AGMO: variants seen among roughly 807,000 people sequenced by gnomAD.
AGMO encodes the protein alkylglycerol monooxygenase, also known as glyceryl-ether monooxygenase.
Under a neutral mutation model 60.2 loss-of-function variants are expected in AGMO, and 75 were observed. The observed-to-expected ratio is 1.25, with a 90% CI of 1.03 to 1.51. The LOEUF (loss-of-function observed/expected upper bound fraction) is 1.51. Ranked by LOEUF, AGMO falls within the 40% of genes most tolerant of loss-of-function variation. The pLI, the probability that AGMO is intolerant of heterozygous loss-of-function variation, is 0.00. For missense variants in AGMO, 763 were observed against 525.5 expected (o/e 1.45, Z -4.42); for synonymous variants, 261 against 177.1 (o/e 1.47, Z -3.76).
At chr7:15,145,467 T>C in the AGMO span, among the ~76,000 whole-genome samples, 2 of 152,166 alleles carry the variant, frequency 1.3e-5, no homozygotes, top group Non-Finnish European at 2.9e-5. Flanking sequence ...AATATGTAGA[T>C]ATGTAGATAC....
At position 15,483,484 on chromosome 7, in the gene AGMO, T is replaced by C. The variant is rs373756901; in HGVS notation, c.410-52376A>G. ...CAGAGGCTGAGGCAGGAGAATGGCG[T>C]GAACCCGGGAGGCGGAGCTTGCAGT... On this transcript the variant is annotated intron_variant, in intron 3 of 12. Coordinates refer to ENST00000342526, the MANE Select transcript of AGMO (RefSeq NM_001004320.2). 1.3e-4 allele frequency among the ~76,000 whole-genome samples: 20 copies of C among 152,222 alleles called. No individual in the cohort carries two copies. The South Asian group carries it at 4.1e-3, about 32-fold the overall frequency.
intron 3 of AGMO, among the ~76,000 whole-genome samples, chr7:15,517,267 A>C (rs1482520476): frequency 6.6e-6 from 1 of 151,890 alleles, no homozygotes; most frequent in Non-Finnish European, 1.5e-5. Context: ...AAAGATAACA[A>C]AATGGAAAAG....
At chr7:15,132,511 G>A in the AGMO span, among the ~76,000 whole-genome samples, 1 of 152,110 alleles carries the variant, frequency 6.6e-6, no homozygotes, top group South Asian at 2.1e-4. Flanking sequence ...AAACCTCAGT[G>A]CTTTTTCTCC....
chr7:15,364,744 G>T (rs945237115), intron 12 of AGMO, among the ~76,000 whole-genome samples: 3 of 151,990 alleles, frequency 2.0e-5, no homozygotes, highest in African/African-American at 2.4e-5. Context: ...ATTAAATAAT[G>T]AAAGTGTATA....
At chr7:15,343,111 T>G (rs2128550403) in intron 12 of AGMO, among the ~76,000 whole-genome samples, 1 of 152,298 alleles carries the variant, frequency 6.6e-6, no homozygotes, top group East Asian at 1.9e-4. Context: ...AATTGGAATC[T>G]AAAATTTATA....
chr7:15,175,234 C>A, the AGMO span, among the ~76,000 whole-genome samples: 1 of 151,738 alleles, frequency 6.6e-6, no homozygotes, highest in Non-Finnish European at 1.5e-5. Context: ...TCAATATATT[C>A]TTCCATTTTT....
chr7:15,433,493 T>G (rs976385095), intron 3 of AGMO, among the ~76,000 whole-genome samples: 12 of 152,074 alleles, frequency 7.9e-5, no homozygotes, highest in African/African-American at 2.9e-4. Flanking sequence ...TTATTGGAGG[T>G]AAATTATTTT....
the AGMO span, among the ~76,000 whole-genome samples, chr7:15,150,633 T>C: frequency 6.6e-6 from 1 of 152,150 alleles, no homozygotes; most frequent in African/African-American, 2.4e-5. Flanking sequence ...GAAACAACCT[T>C]GCATCTCAGG....
At chr7:15,128,741 C>A in the AGMO span, among the ~76,000 whole-genome samples, 28 of 152,130 alleles carry the variant, frequency 1.8e-4, no homozygotes, top group African/African-American at 6.7e-4. Context: ...TACCTTAAAA[C>A]CAAGTGTAAT....
chr7:15,447,192 T>G (rs1422246142), intron 3 of AGMO, among the ~76,000 whole-genome samples: 1 of 152,228 alleles, frequency 6.6e-6, no homozygotes, highest in Non-Finnish European at 1.5e-5. Flanking sequence ...AACATCAGCC[T>G]CATAATAACC....
At chr7:15,438,372 T>C (rs1057075504) in intron 3 of AGMO, among the ~76,000 whole-genome samples, 1 of 152,138 alleles carries the variant, frequency 6.6e-6, no homozygotes, top group Non-Finnish European at 1.5e-5. Context: ...AGAACTGAAC[T>C]AGAAGGTAGA....
At chr7:15,290,451 C>T (rs1441025662) in intron 12 of AGMO, among the ~76,000 whole-genome samples, 2 of 152,140 alleles carry the variant, frequency 1.3e-5, no homozygotes, top group African/African-American at 4.8e-5. Context: ...ACGAAATTTT[C>T]TCTTTGAAGG....
chr7:15,279,069 C>G (rs999103072), intron 12 of AGMO, among the ~76,000 whole-genome samples: 2 of 152,126 alleles, frequency 1.3e-5, no homozygotes, highest in African/African-American at 4.8e-5. Context: ...GAACAAAAAC[C>G]TGTGAGATGC....
At chr7:15,299,747 G>A (rs910481799) in intron 12 of AGMO, among the ~76,000 whole-genome samples, 4 of 151,608 alleles carry the variant, frequency 2.6e-5, no homozygotes, top group Non-Finnish European at 5.9e-5. Context: ...AGAATTGCTC[G>A]AACCCGGGAG....
rs1167841719 is a variant in AGMO, at chr7:15,492,122, C to T, written c.409+52650G>A. On this transcript the variant is annotated intron_variant, in intron 3 of 12. Coordinates refer to ENST00000342526, the MANE Select transcript of AGMO (RefSeq NM_001004320.2). ...TTTCAAAAATATCTTATTTGATACT[C>T]AGTCCAGGATTGTAAATAGGGAGAT... Among the ~76,000 whole-genome samples the T allele has an allele frequency of 2.0e-5, 3 of 152,150 alleles. No individual in the cohort carries two copies. The East Asian group carries it at 5.8e-4, about 29-fold the overall frequency.
chr7:15,231,345 T>C (rs1045546233), intron 12 of AGMO, among the ~76,000 whole-genome samples: 8 of 152,194 alleles, frequency 5.3e-5, no homozygotes, highest in Non-Finnish European at 1.0e-4. Flanking sequence ...TCTGCTTCTA[T>C]ACTTATCTCT....
intron 12 of AGMO, among the ~76,000 whole-genome samples, chr7:15,344,008 A>G (rs962017919): frequency 6.6e-6 from 1 of 152,260 alleles, no homozygotes; most frequent in African/African-American, 2.4e-5. Flanking sequence ...CTATCATTTT[A>G]TTTTTACAGA....
At chr7:15,434,280 C>T (rs1010596351) in intron 3 of AGMO, among the ~76,000 whole-genome samples, 3 of 152,108 alleles carry the variant, frequency 2.0e-5, no homozygotes, top group African/African-American at 7.2e-5. Context: ...CTAGGCAAGG[C>T]ATCCTCTAGA....
intron 12 of AGMO, among the ~76,000 whole-genome samples, chr7:15,345,154 A>G (rs763860967): frequency 6.6e-6 from 1 of 152,198 alleles, no homozygotes; most frequent in Non-Finnish European, 1.5e-5. Context: ...AAATTCTTCA[A>G]TTGCATCAGT....
Sources: allele counts gnomAD v4.1 joint callset (sites outside exome capture counted in the v4.1 genomes callset), GRCh38; gene constraint gnomAD v4.1.1; transcripts MANE v1.5; gene names NCBI Gene and HGNC (gene_info 2026-07-23, HGNC 2026-07-21).